The following TBCE variants were observed in gnomAD, a reference collection of about 807,000 sequenced individuals.
TBCE encodes the protein tubulin folding cofactor E, also known as tubulin-specific chaperone E.
In TBCE, 53 loss-of-function variants were observed where a neutral mutation model predicts 77.0. The observed-to-expected ratio is 0.69, with a 90% confidence interval of 0.55 to 0.87. TBCE has a LOEUF of 0.87. Ranked by LOEUF, TBCE falls within the 40% of genes least tolerant of loss-of-function variation. The pLI is 0.00. For synonymous variants in TBCE, 235 were observed against 241.3 expected (o/e 0.97, Z 0.24); for missense variants, 624 against 622.4 (o/e 1.00, Z -0.03).
intron 6 of TBCE, among the ~76,000 whole-genome samples, chr1:235,427,566 G>C (rs973905047): frequency 1.3e-5 from 2 of 152,138 alleles, no homozygotes; most frequent in African/African-American, 4.8e-5. Flanking sequence ...TTCCAGCCAC[G>C]TGTACAGTAA....
intron 8 of TBCE, 106 bp downstream of exon 8, chr1:235,434,386 C>G (rs1681290714): frequency 1.9e-6 from 2 of 1,031,844 alleles, no homozygotes; most frequent in African/African-American, 3.1e-5. Flanking sequence ...GATTTGCAAA[C>G]AAGAATTAGG....
intron 1 of TBCE, among the ~76,000 whole-genome samples, chr1:235,376,397 C>A (rs569664439): frequency 2.6e-5 from 4 of 152,036 alleles, no homozygotes; most frequent in Non-Finnish European, 5.9e-5. Flanking sequence ...TTAAGCTGAG[C>A]CCCAGCTGGA....
At position 235,434,294 on chromosome 1, in the gene TBCE, A is replaced by G; in HGVS notation, c.737+14A>G. The G allele has an allele frequency of 1.3e-6, 2 of 1,596,630 alleles. No individual in the cohort carries two copies. The highest frequency in any genetic ancestry group is 1.7e-6 in the Non-Finnish European group (2 of 1,164,000). ...CATTTCCGAAAGGTAACTAGCACTT[A>G]CTTAAATGCATCTATCCCCATTTAA... On this transcript the variant is annotated intron_variant, in intron 8 of 16. Transcript: ENST00000642610.
At chr1:235,442,733 T>C (rs1409121501) in intron 14 of TBCE, 119 bp from the exon 15 acceptor site, 1 of 905,552 alleles carries the variant, frequency 1.1e-6, no homozygotes, top group Non-Finnish European at 1.8e-6. Context: ...AAACATTGAT[T>C]AGACCTGCCA....
At position 235,437,330 on chromosome 1, in the gene TBCE, T is replaced by C; in HGVS notation, c.972T>C (p.Phe324=). ...CTTTTGCTGTGTTTCAGTGGTCGTT[T>C]TTCAATGAGCTAGAGAAGTTACCAA... is the stretch of plus-strand genomic sequence containing the variant. ...VNDNQISQWS[F]FNELEKLPSL... The change falls in exon 12 of 17, where the codon TTT becomes TTC. Residue 324 remains phenylalanine, a synonymous_variant. Transcript: ENST00000642610. The C allele has an allele frequency of 6.2e-7, 1 of 1,614,010 alleles. No individual in the cohort carries two copies. Among genetic ancestry groups the C allele is most frequent in the Non-Finnish European group, 8.5e-7 (1 of 1,179,964 alleles).
At chr1:235,420,518 C>T (rs1326491235) in intron 5 of TBCE, among the ~76,000 whole-genome samples, 36 of 130,276 alleles carry the variant, frequency 2.8e-4, no homozygotes, top group African/African-American at 1.0e-3. Context: ...GAGTCTCGCT[C>T]TGTTGCCAGG....
intron 5 of TBCE, among the ~76,000 whole-genome samples, chr1:235,426,671 A>C (rs1175032938): frequency 6.6e-6 from 1 of 152,214 alleles, no homozygotes; most frequent in Non-Finnish European, 1.5e-5. Context: ...TTTTTGAGAC[A>C]GTCTCACTCT....
intron 1 of TBCE, among the ~76,000 whole-genome samples, chr1:235,367,972 C>T (rs1419382035): frequency 6.6e-6 from 1 of 152,170 alleles, no homozygotes; most frequent in Non-Finnish European, 1.5e-5. Flanking sequence ...GATCTCTGAT[C>T]TCGGCTTACT....
chr1:235,432,756 G>A (rs973407400), intron 7 of TBCE, among the ~76,000 whole-genome samples: 2 of 151,776 alleles, frequency 1.3e-5, no homozygotes, highest in African/African-American at 2.4e-5. Flanking sequence ...GGTGGCTCTC[G>A]CCTATAATTC....
At chr1:235,417,974 G>T (rs146424381) in intron 4 of TBCE, among the ~76,000 whole-genome samples, 14 of 152,152 alleles carry the variant, frequency 9.2e-5, no homozygotes, top group African/African-American at 3.1e-4. Flanking sequence ...TAGAGACAGG[G>T]TTTCACCATG....
At chr1:235,438,365 G>A (rs1304734960) in intron 12 of TBCE, among the ~76,000 whole-genome samples, 1 of 152,062 alleles carries the variant, frequency 6.6e-6, no homozygotes. Context: ...GGCTAACACG[G>A]CGAAACCCCG....
chr1:235,425,482 T>G (rs1402477092), intron 5 of TBCE, among the ~76,000 whole-genome samples: 3 of 152,152 alleles, frequency 2.0e-5, no homozygotes, highest in African/African-American at 4.8e-5. Flanking sequence ...ACTGGATTTT[T>G]TTGTTGTTGT....
rs1247243776 is a variant in TBCE, at chr1:235,443,039, C to G, written c.1399+128C>G. On this transcript the variant is annotated intron_variant, in intron 15 of 16. Transcript: ENST00000642610. ...TCAGAACTTACAGGTTTTCATTAGTCTTTTATATTCTAAAATACAATCAAT... is the reference window on the plus strand; with the variant it reads ...TCAGAACTTACAGGTTTTCATTAGTGTTTTATATTCTAAAATACAATCAAT... 3.4e-6 allele frequency: 3 copies of G among 883,506 alleles called. No homozygotes were observed. In the Admixed American group the frequency reaches 6.8e-5, roughly 20 times the overall value. 54.7% of individuals were successfully genotyped at this position (883,506 alleles called of 1,614,324 possible).
At chr1:235,393,355 G>A (rs544938950) in intron 2 of TBCE, among the ~76,000 whole-genome samples, 150 of 152,248 alleles carry the variant, frequency 9.9e-4, no homozygotes, top group African/African-American at 3.4e-3. Context: ...TGGCTAACAC[G>A]GTGAAACCCT....
Position 235,451,152 on chromosome 1 carries a change from CAG to C in TBCE, c.*2393_*2394del, listed in dbSNP as rs1271594165. The C allele has an allele frequency of 6.6e-6, 1 of 152,128 alleles. No homozygotes were observed. Among genetic ancestry groups the C allele is most frequent in the African/African-American group, 2.4e-5 (1 of 41,408 alleles). The allele number at this position is 152,128 out of a possible 1,614,324, so 9.4% of individuals were successfully genotyped here. The stretch of plus-strand genomic sequence containing the variant: ...TCAGGAGACTAATGGGAGACTGACA[CAG>C]AGCTAGGATCTCTGAGGGGCCACAG... On this transcript the variant is annotated 3_prime_UTR_variant, in exon 17 of 17. Coordinates refer to ENST00000642610, the MANE Select transcript of TBCE (RefSeq NM_003193.5).
At chr1:235,403,149 C>T (rs574944716) in intron 3 of TBCE, among the ~76,000 whole-genome samples, 1 of 152,238 alleles carries the variant, frequency 6.6e-6, no homozygotes, top group East Asian at 1.9e-4. Flanking sequence ...ATATTTTAGC[C>T]AGGCCCACAG....
In TBCE at chr1:235,389,268, T is replaced by G. The variant is rs530076801; in HGVS notation, c.100+9119T>G. On this transcript the variant is annotated intron_variant, in intron 2 of 16. Transcript: ENST00000642610. ...ATGCATGTTTTATCAGGTAAGTGCTTCTTTCTCCCTTGAAAATTGTAATTC... is the reference window on the plus strand; with the variant it reads ...ATGCATGTTTTATCAGGTAAGTGCTGCTTTCTCCCTTGAAAATTGTAATTC... Among the ~76,000 whole-genome samples, 4 of 152,352 alleles carry G rather than the reference T, an allele frequency of 2.6e-5. No homozygotes were observed. The East Asian group carries it at 7.7e-4, about 29-fold the overall frequency.
chr1:235,450,176 G>C lies in TBCE; in HGVS notation c.*1414G>C. ...ACTCAGATTATCGTTTGCCTGCCCT[G>C]ATTTTAGACTCTGCTAATTCAAGTC... is the stretch of plus-strand genomic sequence containing the variant. On this transcript the variant is annotated 3_prime_UTR_variant, in exon 17 of 17. Transcript: ENST00000642610. 1 of 1,613,458 alleles carries C rather than the reference G, an allele frequency of 6.2e-7. No homozygotes were observed. The highest frequency in any genetic ancestry group is 8.5e-7 in the Non-Finnish European group (1 of 1,179,526).
At chr1:235,434,948 C>T (rs2102921508) in intron 8 of TBCE, among the ~76,000 whole-genome samples, 1 of 152,170 alleles carries the variant, frequency 6.6e-6, no homozygotes, top group Admixed American at 6.5e-5. Context: ...ATATTGTTGC[C>T]TCATCTCCTT....
Sources: allele counts gnomAD v4.1 joint callset (sites outside exome capture counted in the v4.1 genomes callset), GRCh38; gene constraint gnomAD v4.1.1; transcripts MANE v1.5; gene names NCBI Gene and HGNC (gene_info 2026-07-23, HGNC 2026-07-21).